GPI: variants seen among roughly 807,000 people sequenced by gnomAD.
The protein encoded by GPI is D-hexose-6-phosphate anomerase.
GPI carries 56 observed loss-of-function variants against 75.8 expected under a neutral mutation model. The ratio of observed to expected loss-of-function variants is 0.74; its 90% confidence interval spans 0.60 to 0.92. The LOEUF is 0.92. Among genes scored for constraint, GPI ranks in the 40% least tolerant of loss-of-function variants. The pLI is 0.00. For missense variants in GPI, 638 were observed against 741.0 expected, an observed-to-expected ratio of 0.86 and a Z score of 1.61; for synonymous variants, 288 against 285.4, an observed-to-expected ratio of 1.01 and a Z score of -0.09.
At chr19:34,399,172 G>A (rs917312945) in intron 14 of GPI, 35 bp from the exon 15 acceptor site, 1 of 1,602,724 alleles carries the variant, frequency 6.2e-7, no homozygotes, top group African/African-American at 1.3e-5. Context: ...AGCCCAGACA[G>A]TGCTCTCAAG....
At chr19:34,380,312 G>A (rs952359905) in intron 8 of GPI, among the ~76,000 whole-genome samples, 1 of 143,882 alleles carries the variant, frequency 7.0e-6, no homozygotes, top group Non-Finnish European at 1.5e-5. Flanking sequence ...TTGAGACAAG[G>A]TCACTCTGTC....
At chr19:34,382,500 C>T (rs1437536539) in intron 9 of GPI, among the ~76,000 whole-genome samples, 3 of 152,122 alleles carry the variant, frequency 2.0e-5, no homozygotes, top group East Asian at 1.9e-4. Context: ...GAAGAATTGA[C>T]GAGAATCACT....
rs568857075 is a variant in GPI, at chr19:34,366,657, G to A, written c.214-126G>A. 5.5e-4 allele frequency: 436 copies of A among 790,096 alleles called. 1 individual carries two copies. The highest frequency in any genetic ancestry group is 4.7e-3 in the South Asian group (336 of 72,090). 48.9% of individuals were successfully genotyped at this position (790,096 alleles called of 1,614,324 possible). ...TGAGTAGACCCTTCCCAGACAGCAGGGGAGGGAACCAGACAGCAGCCGTCT... is the reference window on the plus strand; with the variant it reads ...TGAGTAGACCCTTCCCAGACAGCAGAGGAGGGAACCAGACAGCAGCCGTCT... On this transcript the variant is annotated intron_variant, in intron 2 of 17. Coordinates refer to ENST00000356487, the MANE Select transcript of GPI (RefSeq NM_000175.5).
In GPI at chr19:34,377,625, G is replaced by A. The variant is rs761939453; in HGVS notation, c.486+39G>A. The A allele has an allele frequency of 1.6e-5, 26 of 1,584,848 alleles. No homozygotes were observed. In the East Asian group the frequency reaches 2.0e-4, roughly 12 times the overall value. On this transcript the variant is annotated intron_variant, in intron 5 of 17. Transcript: ENST00000356487. ...TGCCTTGGGGTAGGGTGGGAGTCTGGGCACTGTTGGTCCCACTCAGGTCTT... is the reference window on the plus strand; with the variant it reads ...TGCCTTGGGGTAGGGTGGGAGTCTGAGCACTGTTGGTCCCACTCAGGTCTT...
At chr19:34,375,722 TAGAC>T (rs2074525692) in intron 4 of GPI, among the ~76,000 whole-genome samples, 2 of 152,210 alleles carry the variant, frequency 1.3e-5, no homozygotes, top group East Asian at 1.9e-4. Context: ...CACAACATGA[TAGAC>T]AGCTTCCCCA....
At chr19:34,396,819 G>A (rs920393891) in intron 14 of GPI, among the ~76,000 whole-genome samples, 162 bp downstream of exon 14, 4 of 152,108 alleles carry the variant, frequency 2.6e-5, no homozygotes, top group Admixed American at 6.5e-5. Flanking sequence ...CTTTTGTGGG[G>A]TGGGGAGGGG....
At chr19:34,362,480 C>T (rs1179953345), upstream of GPI, among the ~76,000 whole-genome samples, 3 of 152,086 alleles carry the variant, frequency 2.0e-5, no homozygotes, top group East Asian at 5.8e-4. Context: ...GCCTCACCTC[C>T]TGCCTCTTTC....
At chr19:34,365,907 GTT>G in intron 1 of GPI, 2 of 477,336 alleles carry the variant, frequency 4.2e-6, no homozygotes, top group Non-Finnish European at 4.1e-6. Context: ...GGGAAGGAGT[GTT>G]TGAGCAAATC....
intron 4 of GPI, among the ~76,000 whole-genome samples, chr19:34,374,882 C>T (rs561741909): frequency 2.0e-5 from 3 of 151,934 alleles, no homozygotes; most frequent in African/African-American, 7.2e-5. Flanking sequence ...GCACATGTCA[C>T]CATGCCTGGC....
intron 4 of GPI, among the ~76,000 whole-genome samples, chr19:34,373,580 A>G (rs2074488306): frequency 6.6e-6 from 1 of 152,110 alleles, no homozygotes; most frequent in East Asian, 1.9e-4. Context: ...AAAAAAATTA[A>G]AAGAAAATTG....
intron 4 of GPI, among the ~76,000 whole-genome samples, chr19:34,373,847 G>A (rs1325862278): frequency 3.9e-5 from 6 of 152,244 alleles, no homozygotes; most frequent in Non-Finnish European, 8.8e-5. Context: ...GGCACAGACA[G>A]TTCGAGTGTC....
chr19:34,366,035 G>T, intron 1 of GPI: 1 of 606,536 alleles, frequency 1.6e-6, no homozygotes, highest in Non-Finnish European at 3.1e-6. Flanking sequence ...CATCTGGATG[G>T]GTGCCTGAGT....
At chr19:34,396,461 T>C (rs752872167) in intron 13 of GPI, 31 bp downstream of exon 13, 16 of 1,613,682 alleles carry the variant, frequency 9.9e-6, no homozygotes, top group East Asian at 8.9e-5. Context: ...AAGGGTGATG[T>C]TGGGGGAGGG....
Position 34,393,030 on chromosome 19 carries a change from C to G in GPI, c.805-218C>G. ...ATCTCAGGGAAGACCACGGTAAGCT[C>G]TTCAGTTTGTCTTGTGGCTGTGGTC... On this transcript the variant is annotated intron_variant, in intron 9 of 17. Coordinates refer to ENST00000356487, the MANE Select transcript of GPI (RefSeq NM_000175.5). This position sits in a 1 kb window ranked among gnomAD's most constrained non-coding sequence, Gnocchi z 4.4. 1.6e-6 allele frequency: 1 copy of G among 612,688 alleles called. No homozygotes were observed. The highest frequency in any genetic ancestry group is 3.0e-6 in the Non-Finnish European group (1 of 336,664). The allele number at this position is 612,688 out of a possible 1,614,324, so 38.0% of individuals were successfully genotyped here.
At position 34,402,296 on chromosome 19, in the gene GPI, T is replaced by C. The variant is rs2075033431; in HGVS notation, c.*2260T>C. 1.3e-5 allele frequency: 2 copies of C among 152,210 alleles called. No homozygotes were observed. Among genetic ancestry groups the C allele is most frequent in the Admixed American group, 1.3e-4 (2 of 15,270 alleles). 9.4% of individuals were successfully genotyped at this position (152,210 alleles called of 1,614,324 possible). A position where few individuals can be genotyped will look rare whatever the true frequency, so the allele number is the denominator to read the frequency against. On this transcript the variant is annotated 3_prime_UTR_variant, in exon 18 of 18. Transcript: ENST00000356487. ...TTTATTTACATAGGGTGTAACCAAA[T>C]AGGAAACCTCTAAAGGGTACTTAAA...
chr19:34,386,959 A>T (rs530287738), intron 9 of GPI, among the ~76,000 whole-genome samples: 1 of 152,306 alleles, frequency 6.6e-6, no homozygotes, highest in East Asian at 1.9e-4. Context: ...TGCTGACGTT[A>T]AGCAGAGATT....
intron 2 of GPI, 152 bp downstream of exon 2, chr19:34,366,587 G>C: frequency 1.3e-6 from 1 of 767,192 alleles, no homozygotes. Context: ...CCTGTCCCTG[G>C]CTTAGGTTCT....
chr19:34,372,598 T>C (rs2074472068), intron 4 of GPI, among the ~76,000 whole-genome samples: 1 of 152,112 alleles, frequency 6.6e-6, no homozygotes, highest in African/African-American at 2.4e-5. Flanking sequence ...GCTATGATCA[T>C]ACTCCTACAT....
At chr19:34,374,150 TTTTA>T (rs1462550548) in intron 4 of GPI, among the ~76,000 whole-genome samples, 2 of 148,744 alleles carry the variant, frequency 1.3e-5, no homozygotes, top group African/African-American at 4.9e-5. Flanking sequence ...TTTTTTTTTT[TTTTA>T]AATTTTTTTA....
Sources: gnomAD v4.1 joint callset for allele counts (sites outside exome capture counted in the v4.1 genomes callset) on GRCh38, gnomAD v4.1.1 for gene constraint, Gnocchi (gnomAD v3.1) non-coding constraint, MANE v1.5 for transcripts, NCBI Gene and HGNC (gene_info 2026-07-23, HGNC 2026-07-21) for gene names.